The following CABLES1 variants were observed in gnomAD, a reference collection of about 807,000 sequenced individuals.
The protein encoded by CABLES1 is Cdk5 and Abl enzyme substrate 1.
In CABLES1, 36 loss-of-function variants were observed where a neutral mutation model predicts 57.8. The ratio of observed to expected loss-of-function variants is 0.62; its 90% CI spans 0.48 to 0.82. The LOEUF (loss-of-function observed/expected upper bound fraction) is 0.82, where lower values mean the gene tolerates loss of function less well. CABLES1 is among the 40% of genes least tolerant of loss of function. The pLI is 0.00. For synonymous variants in CABLES1, 374 were observed against 363.0 expected (o/e 1.03, Z -0.35); for missense variants, 767 against 836.6 (o/e 0.92, Z 1.03).
At chr18:23,214,770 G>A (rs752223111) in intron 4 of CABLES1, 4 of 152,210 alleles carry the variant, frequency 2.6e-5, no homozygotes, top group Non-Finnish European at 4.4e-5. Flanking sequence ...AGCATCATGG[G>A]ATGTTGGCTG....
In CABLES1 at chr18:23,184,308, CGTGTGTGT is replaced by C. The variant is rs61158856; in HGVS notation, c.846-4503_846-4496del. On this transcript the variant is annotated intron_variant, in intron 1 of 9. Transcript: ENST00000256925. ...TAATGTGTGCCCTTGCATACTGGCA[CGTGTGTGT>C]GTGTGTGTGTGTGTGTGTGTGTGTG... Among the ~76,000 whole-genome samples, 163 of 146,412 alleles carry C rather than the reference CGTGTGTGT, an allele frequency of 1.1e-3. 1 individual carries two copies. The highest frequency in any genetic ancestry group is 3.7e-3 in the African/African-American group (147 of 39,854).
chr18:23,245,239 G>A (rs1462730400), intron 7 of CABLES1, among the ~76,000 whole-genome samples: 2 of 152,192 alleles, frequency 1.3e-5, no homozygotes, highest in Non-Finnish European at 2.9e-5. Flanking sequence ...CGGGCGTAGT[G>A]CCTCATGCCT....
chr18:23,213,021 G>A (rs1019386816), intron 3 of CABLES1, among the ~76,000 whole-genome samples: 1 of 152,294 alleles, frequency 6.6e-6, no homozygotes, highest in Admixed American at 6.5e-5. Flanking sequence ...TGTTGAAACT[G>A]GAGAGACAGA....
At chr18:23,247,946 C>G (rs890934095) in intron 7 of CABLES1, among the ~76,000 whole-genome samples, 1 of 152,232 alleles carries the variant, frequency 6.6e-6, no homozygotes, top group Non-Finnish European at 1.5e-5. Flanking sequence ...CCCTCCCTGC[C>G]CACTCCCTGC....
intron 7 of CABLES1, among the ~76,000 whole-genome samples, chr18:23,241,736 T>C (rs2145097494): frequency 6.6e-6 from 1 of 152,056 alleles, no homozygotes; most frequent in Middle Eastern, 3.4e-3. Context: ...CCAGCCATGA[T>C]GTAGCTGAAT....
In CABLES1 at chr18:23,178,213, A is replaced by AT. The variant is rs566181770; in HGVS notation, c.846-10614dup. On this transcript the variant is annotated intron_variant, in intron 1 of 9. Transcript: ENST00000256925. ...CCACACAAAACCTTTTCGGATCCTG[A>AT]TTTTTTTTTTTCAACCAGTACCCAG... is the stretch of plus-strand genomic sequence containing the variant. 2.2e-3 allele frequency among the ~76,000 whole-genome samples: 326 copies of AT among 145,160 alleles called. 2 individuals are homozygous for AT. The highest frequency in any genetic ancestry group is 6.8e-3 in the African/African-American group (269 of 39,376).
In CABLES1 at chr18:23,237,133, G is replaced by A. The variant is rs750255561; in HGVS notation, c.1343-9G>A. 1 of 1,560,374 alleles carries A rather than the reference G, an allele frequency of 6.4e-7. No homozygotes were observed. The highest frequency in any genetic ancestry group is 8.8e-7 in the Non-Finnish European group (1 of 1,131,114). On this transcript the variant is annotated splice_polypyrimidine_tract_variant and intron_variant, in intron 6 of 9. Transcript: ENST00000256925. Reference sequence around the variant, plus strand: ...AATTATCATTTTGCATTTTGCATGTGATCTTCAGGTAGTGACCTGGGAGAC... The same window carrying A: ...AATTATCATTTTGCATTTTGCATGTAATCTTCAGGTAGTGACCTGGGAGAC...
chr18:23,214,947 G>A (rs980420324), intron 4 of CABLES1, among the ~76,000 whole-genome samples: 1 of 152,156 alleles, frequency 6.6e-6, no homozygotes, highest in African/African-American at 2.4e-5. Context: ...CCCTGTAGAT[G>A]TGCTAGACTT....
At position 23,136,585 on chromosome 18, in the gene CABLES1, T is replaced by C; in HGVS notation, c.823T>C (p.Phe275Leu). Residue 275 changes from phenylalanine to leucine, a missense_variant, in exon 1 of 10, where the codon TTC becomes CTC. By Grantham distance (22) the Phe-to-Leu change is conservative (BLOSUM62 0). This residue lies in a region of CABLES1 where 529 missense variants were observed against 622.8 expected (regional missense o/e 0.85). Transcript: ENST00000256925. ...QPGQGGSTSA[F>L]EQLQRSRRRL... ...AGGCCAGGGCGGCAGCACCAGCGCCTTCGAGCAGCTGCAGAGGTCCCGGTG... is the reference window on the plus strand; with the variant it reads ...AGGCCAGGGCGGCAGCACCAGCGCCCTCGAGCAGCTGCAGAGGTCCCGGTG... 6.7e-7 allele frequency: 1 copy of C among 1,491,840 alleles called. No individual in the cohort carries two copies. The highest frequency in any genetic ancestry group is 8.9e-7 in the Non-Finnish European group (1 of 1,125,150). The allele number at this position is 1,491,840 out of a possible 1,614,324, so 92.4% of individuals were successfully genotyped here. A position where few individuals can be genotyped will look rare whatever the true frequency, so the allele number is the denominator to read the frequency against.
intron 1 of CABLES1, among the ~76,000 whole-genome samples, chr18:23,173,190 C>A (rs1170039242): frequency 6.6e-6 from 1 of 152,178 alleles, no homozygotes; most frequent in Non-Finnish European, 1.5e-5. Context: ...CACCAGGTAG[C>A]CTGTGCTGGA....
At chr18:23,135,023 C>A (rs1432753602), upstream of CABLES1, among the ~76,000 whole-genome samples, 1 of 152,138 alleles carries the variant, frequency 6.6e-6, no homozygotes, top group Non-Finnish European at 1.5e-5. Flanking sequence ...AACGGCCTTG[C>A]GGGGTCCAAG....
intron 9 of CABLES1, among the ~76,000 whole-genome samples, chr18:23,255,591 ACT>A (rs1353628754): frequency 7.1e-6 from 1 of 139,930 alleles, no homozygotes; most frequent in African/African-American, 2.8e-5. Context: ...ACAGGGTCTC[ACT>A]CTGTCACCCA....
At chr18:23,193,194 C>CT (rs763239686) in intron 2 of CABLES1, among the ~76,000 whole-genome samples, 506 of 142,126 alleles carry the variant, frequency 3.6e-3, no homozygotes, top group Non-Finnish European at 4.3e-3. Flanking sequence ...AAGAATCTTT[C>CT]TTTTTTTTTT....
chr18:23,237,072 C>G, intron 6 of CABLES1, 70 bp from the exon 7 acceptor site: 1 of 923,706 alleles, frequency 1.1e-6, no homozygotes, highest in South Asian at 1.3e-5. Flanking sequence ...TTGGCATTCT[C>G]CTGGCTGTCT....
intron 1 of CABLES1, among the ~76,000 whole-genome samples, chr18:23,148,836 G>A (rs1215557485): frequency 5.9e-5 from 9 of 152,234 alleles, no homozygotes; most frequent in Non-Finnish European, 1.5e-5. Flanking sequence ...ACAGGTGTGA[G>A]CAGAGCTGGA....
rs573758454 is a variant in CABLES1, at chr18:23,151,057, T to C, written c.845+14450T>C. ...TTTGAGAGGCAGAGTCTCGCTCTGT[T>C]GCCCAGGCTGGAGTGCAGTGGCGCG... is the stretch of plus-strand genomic sequence containing the variant. On this transcript the variant is annotated intron_variant, in intron 1 of 9. Coordinates refer to ENST00000256925, the MANE Select transcript of CABLES1 (RefSeq NM_001100619.3). 6.3e-5 allele frequency among the ~76,000 whole-genome samples: 9 copies of C among 142,306 alleles called. No homozygotes were observed. The East Asian group carries it at 1.7e-3, about 27-fold the overall frequency. 93.4% of individuals were successfully genotyped at this position (142,306 alleles called of 152,430 possible).
chr18:23,230,654 G>A (rs558771783), intron 4 of CABLES1, among the ~76,000 whole-genome samples: 1 of 152,122 alleles, frequency 6.6e-6, no homozygotes, highest in Non-Finnish European at 1.5e-5. Context: ...TAGCTTTGGC[G>A]TACAAGAAAT....
Position 23,199,172 on chromosome 18 carries a change from C to T in CABLES1, c.1010+4632C>T, listed in dbSNP as rs150292086. On this transcript the variant is annotated intron_variant, in intron 3 of 9. Coordinates refer to ENST00000256925, the MANE Select transcript of CABLES1 (RefSeq NM_001100619.3). ...ACTTACAAGAATGGGGTGAGGGAGACTAAAGTCTAGATGAACTCGATTGTT... is the reference window on the plus strand; with the variant it reads ...ACTTACAAGAATGGGGTGAGGGAGATTAAAGTCTAGATGAACTCGATTGTT... 8.6e-3 allele frequency among the ~76,000 whole-genome samples: 1,312 copies of T among 152,242 alleles called. 13 individuals are homozygous for T. The highest frequency in any genetic ancestry group is 0.012 in the Non-Finnish European group (808 of 68,006).
chr18:23,191,080 C>CAAAA (rs10636287), intron 2 of CABLES1, among the ~76,000 whole-genome samples: 64 of 63,542 alleles, frequency 1.0e-3, no homozygotes, highest in African/African-American at 2.6e-3. Context: ...CCCATCTCTA[C>CAAAA]AAAAAAAAAA....
Sources: gnomAD v4.1 joint callset for allele counts (sites outside exome capture counted in the v4.1 genomes callset) on GRCh38, gnomAD v4.1.1 for gene constraint, gnomAD v4.1.1 regional missense constraint, MANE v1.5 for transcripts, NCBI Gene and HGNC (gene_info 2026-07-23, HGNC 2026-07-21) for gene names.